SYNE3: variants seen among roughly 807,000 people sequenced by gnomAD.
The protein encoded by SYNE3 is spectrin repeat containing nuclear envelope family member 3, also known as nesprin-3.
SYNE3 carries 100 observed loss-of-function variants against 111.2 expected under a neutral mutation model. The observed-to-expected ratio is 0.90, with a 90% CI of 0.77 to 1.06. SYNE3 has a LOEUF of 1.06. Ranked by LOEUF, SYNE3 falls within the 50% of genes least tolerant of loss-of-function variation. The pLI is 0.00. For synonymous variants in SYNE3, 547 were observed against 533.9 expected, an observed-to-expected ratio of 1.02 and a Z score of -0.34; for missense variants, 1,160 against 1,240.3, an observed-to-expected ratio of 0.94 and a Z score of 0.97.
Position 95,444,638 on chromosome 14 carries a change from C to T in SYNE3, c.1633-10G>A. The T allele has an allele frequency of 1.3e-6, 2 of 1,583,184 alleles. No individual in the cohort carries two copies. Among genetic ancestry groups the T allele is most frequent in the Non-Finnish European group, 1.7e-6 (2 of 1,160,872 alleles). On this transcript the variant is annotated splice_polypyrimidine_tract_variant and intron_variant, in intron 9 of 17. Coordinates refer to ENST00000682763, the MANE Select transcript of SYNE3 (RefSeq NM_152592.6). Reference sequence around the variant, plus strand: ...GCTGAGCGAGCAGGCTCTGCAGAGACACAGGACAGTGTGCACATTAAGAGC... The same window carrying T: ...GCTGAGCGAGCAGGCTCTGCAGAGATACAGGACAGTGTGCACATTAAGAGC...
At chr14:95,513,361 G>T (rs74082054) in intron 1 of SYNE3, among the ~76,000 whole-genome samples, 7 of 152,086 alleles carry the variant, frequency 4.6e-5, no homozygotes, top group Middle Eastern at 3.4e-3. Flanking sequence ...TCTATACCAC[G>T]TCTGCAGCCT....
intron 1 of SYNE3, among the ~76,000 whole-genome samples, chr14:95,498,746 T>C (rs559050482): frequency 1.3e-5 from 2 of 152,210 alleles, no homozygotes; most frequent in African/African-American, 2.4e-5. Context: ...ATGGCACCCA[T>C]AAGCATGCAA....
chr14:95,408,674 C>G lies in SYNE3; in HGVS notation c.*9152G>C. On this transcript the variant is annotated 3_prime_UTR_variant, in exon 18 of 18. Transcript: ENST00000682763. ...GAGATGTGTGTAGTACTCACACATGCTATGCTCACATACGCGTGCATCCCT... is the reference window on the plus strand; with the variant it reads ...GAGATGTGTGTAGTACTCACACATGGTATGCTCACATACGCGTGCATCCCT... The G allele has an allele frequency of 4.6e-6, 1 of 217,122 alleles. No homozygotes were observed. Among genetic ancestry groups the G allele is most frequent in the Non-Finnish European group, 9.4e-6 (1 of 106,906 alleles). 13.4% of individuals were successfully genotyped at this position (217,122 alleles called of 1,614,324 possible).
At position 95,500,237 on chromosome 14, in the gene SYNE3, A is replaced by G. The variant is rs1890284369; in HGVS notation, c.-15+16359T>C. 6.6e-6 allele frequency among the ~76,000 whole-genome samples: 1 copy of G among 152,162 alleles called. No individual in the cohort carries two copies. Among genetic ancestry groups the G allele is most frequent in the Non-Finnish European group, 1.5e-5 (1 of 68,032 alleles). On this transcript the variant is annotated intron_variant, in intron 1 of 17. Transcript: ENST00000682763. This position sits in a 1 kb window ranked among gnomAD's most constrained non-coding sequence, Gnocchi z 4.7. ...CAGAACCTTCACCTCCTTGGAGTCC[A>G]AGGTCGACTGTTAACAGGCTGTACA...
chr14:95,449,827 T>G, intron 8 of SYNE3, 104 bp downstream of exon 8: 3 of 1,468,394 alleles, frequency 2.0e-6, no homozygotes, highest in Non-Finnish European at 2.7e-6. Flanking sequence ...TCCCCAGATA[T>G]CCGGAGGACC....
At chr14:95,434,677 G>A (rs994114387) in intron 15 of SYNE3, among the ~76,000 whole-genome samples, 3 of 151,958 alleles carry the variant, frequency 2.0e-5, no homozygotes, top group African/African-American at 7.3e-5. Flanking sequence ...TTCTTTTTGA[G>A]ACAGAGTTTC....
chr14:95,481,318 C>T (rs1054961208), intron 1 of SYNE3, among the ~76,000 whole-genome samples: 3 of 152,216 alleles, frequency 2.0e-5, no homozygotes, highest in South Asian at 2.1e-4. Flanking sequence ...AAAGCAAGCC[C>T]GTGTGAGTCA....
rs146054136 is a variant in SYNE3, at chr14:95,421,004, T to G, written c.2728-2978A>C. Among the ~76,000 whole-genome samples the G allele has an allele frequency of 2.3e-3, 350 of 152,268 alleles. 7 individuals are homozygous for G. In the South Asian group the frequency reaches 0.032, roughly 14 times the overall value. On this transcript the variant is annotated intron_variant, in intron 17 of 17. Coordinates refer to ENST00000682763, the MANE Select transcript of SYNE3 (RefSeq NM_152592.6). ...ATGGTAGTGAATAAGTCTCGCAAGA[T>G]CTGATGGTTTTATAAGGGGTTTCCC...
chr14:95,421,431 G>A (rs539262100), intron 17 of SYNE3, among the ~76,000 whole-genome samples: 1 of 152,248 alleles, frequency 6.6e-6, no homozygotes, highest in South Asian at 2.1e-4. Flanking sequence ...AGGGGATGTG[G>A]GGGAAATATA....
intron 1 of SYNE3, among the ~76,000 whole-genome samples, chr14:95,498,758 G>C (rs947295346): frequency 6.6e-6 from 1 of 152,138 alleles, no homozygotes; most frequent in Non-Finnish European, 1.5e-5. Context: ...AGCATGCAAA[G>C]AGCCTGGCAC....
chr14:95,448,491 G>T lies in SYNE3; in HGVS notation c.1449+1440C>A, dbSNP rs751968712. On this transcript the variant is annotated intron_variant, in intron 8 of 17. Coordinates refer to ENST00000682763, the MANE Select transcript of SYNE3 (RefSeq NM_152592.6). ...CACTTGAGGTCAGGAGCTCGAGACC[G>T]GCCTGGTCAACATGATGAAACCCCG... is the stretch of plus-strand genomic sequence containing the variant. 2.0e-5 allele frequency among the ~76,000 whole-genome samples: 3 copies of T among 151,496 alleles called. No individual in the cohort carries two copies. The South Asian group carries it at 6.3e-4, about 32-fold the overall frequency.
intron 1 of SYNE3, among the ~76,000 whole-genome samples, chr14:95,484,431 C>T (rs1292454035): frequency 2.0e-5 from 3 of 152,138 alleles, no homozygotes; most frequent in Admixed American, 2.0e-4. Flanking sequence ...TGAGGGGAAC[C>T]CTGGCCACGG....
At chr14:95,469,432 T>C (rs933499503) in intron 2 of SYNE3, among the ~76,000 whole-genome samples, 1 of 150,348 alleles carries the variant, frequency 6.7e-6, no homozygotes, top group African/African-American at 2.5e-5. Flanking sequence ...CAGTGCTGCA[T>C]GCCTATAATC....
chr14:95,486,020 C>T (rs1453679475), intron 1 of SYNE3, among the ~76,000 whole-genome samples: 1 of 152,114 alleles, frequency 6.6e-6, no homozygotes, highest in African/African-American at 2.4e-5. Context: ...GCTCCATCCG[C>T]ATGATGCCAG....
intron 1 of SYNE3, among the ~76,000 whole-genome samples, chr14:95,513,655 A>T (rs1479807914): frequency 6.7e-6 from 1 of 149,474 alleles, no homozygotes; most frequent in Non-Finnish European, 1.5e-5. Context: ...TCCTAAAGCA[A>T]AGGTTCCTTT....
rs1276456522 is a variant in SYNE3 at position 95,470,925 on chromosome 14, T to A, written c.145-2958A>T. Among the ~76,000 whole-genome samples the A allele has an allele frequency of 6.9e-6, 1 of 144,256 alleles. No individual in the cohort carries two copies. Among genetic ancestry groups the A allele is most frequent in the Non-Finnish European group, 1.5e-5 (1 of 66,588 alleles). 94.6% of individuals were successfully genotyped at this position (144,256 alleles called of 152,430 possible). A position where few individuals can be genotyped will look rare whatever the true frequency, so the allele number is the denominator to read the frequency against. On this transcript the variant is annotated intron_variant, in intron 2 of 17. Coordinates refer to ENST00000682763, the MANE Select transcript of SYNE3 (RefSeq NM_152592.6). The surrounding 1 kb of genome is among the most constrained non-coding windows in gnomAD (Gnocchi z 4.2). ...GTGAGCCGAGATCACAACACTGCAC[T>A]CCAGCCATCACACCACTGCACTCCA...
At chr14:95,423,136 G>A (rs1057488709) in intron 17 of SYNE3, among the ~76,000 whole-genome samples, 1 of 152,260 alleles carries the variant, frequency 6.6e-6, no homozygotes, top group Admixed American at 6.5e-5. Flanking sequence ...CTGCGTGGAT[G>A]TCAGGACACA....
At chr14:95,512,360 C>T (rs1394333207) in intron 1 of SYNE3, among the ~76,000 whole-genome samples, 3 of 152,138 alleles carry the variant, frequency 2.0e-5, no homozygotes, top group Non-Finnish European at 4.4e-5. Context: ...TATGCGCCTC[C>T]TATTTGTAAA....
intron 15 of SYNE3, 118 bp downstream of exon 15, chr14:95,436,702 A>G (rs1050815634): frequency 1.6e-6 from 2 of 1,234,034 alleles, no homozygotes; most frequent in East Asian, 2.3e-5. Flanking sequence ...TTATCTATAC[A>G]CAAGGGAGAA....
Sources: allele counts gnomAD v4.1 joint callset (sites outside exome capture counted in the v4.1 genomes callset), GRCh38; gene constraint gnomAD v4.1.1; non-coding constraint Gnocchi (gnomAD v3.1); transcripts MANE v1.5; gene names NCBI Gene and HGNC (gene_info 2026-07-23, HGNC 2026-07-21).